The following SGCZ variants were observed in gnomAD, a reference collection of about 807,000 sequenced individuals.
SGCZ encodes sarcoglycan zeta, also known as zeta-sarcoglycan.
Under a neutral mutation model 41.3 loss-of-function variants are expected in SGCZ, and 40 were observed. The observed-to-expected ratio is 0.97, with a 90% CI of 0.75 to 1.26. SGCZ has a LOEUF of 1.26. SGCZ is among the 50% of genes most tolerant of loss of function. The pLI is 0.00. For synonymous variants in SGCZ, 206 were observed against 137.5 expected, an observed-to-expected ratio of 1.50 and a Z score of -3.49; for missense variants, 552 against 369.8, an observed-to-expected ratio of 1.49 and a Z score of -4.04.
chr8:14,993,340 T>C (rs1802091295), intron 1 of SGCZ, among the ~76,000 whole-genome samples: 1 of 152,142 alleles, frequency 6.6e-6, no homozygotes, highest in Non-Finnish European at 1.5e-5. Flanking sequence ...ATCTAGGATG[T>C]ACCCAAAAAC....
At chr8:14,320,109 T>C (rs574611253) in intron 3 of SGCZ, among the ~76,000 whole-genome samples, 1 of 151,126 alleles carries the variant, frequency 6.6e-6, no homozygotes, top group East Asian at 1.9e-4. Flanking sequence ...GTTAACAGTA[T>C]TTTTTTTTCT....
At chr8:14,221,910 G>A (rs1040497663) in intron 4 of SGCZ, among the ~76,000 whole-genome samples, 2 of 151,500 alleles carry the variant, frequency 1.3e-5, no homozygotes, top group Non-Finnish European at 2.9e-5. Context: ...GCAGTGAGCC[G>A]AGATCATGCC....
At chr8:14,688,918 C>G (rs1808707688) in intron 1 of SGCZ, among the ~76,000 whole-genome samples, 1 of 151,972 alleles carries the variant, frequency 6.6e-6, no homozygotes, top group Admixed American at 6.6e-5. Context: ...AGCAAAGTCT[C>G]AGGATACAAA....
At chr8:15,028,007 A>G (rs11783107) in intron 1 of SGCZ, among the ~76,000 whole-genome samples, 5,308 of 152,162 alleles carry the variant, frequency 0.035, 301 homozygotes, top group East Asian at 0.26. Flanking sequence ...CTAAAGACAC[A>G]TAACTAGTAA....
At chr8:15,175,181 G>A (rs545544043) in intron 1 of SGCZ, among the ~76,000 whole-genome samples, 1 of 152,130 alleles carries the variant, frequency 6.6e-6, no homozygotes, top group South Asian at 2.1e-4. Flanking sequence ...CTATTACTGG[G>A]CATAAACACA....
At chr8:15,072,686 T>G (rs1351545589) in intron 1 of SGCZ, among the ~76,000 whole-genome samples, 1 of 152,184 alleles carries the variant, frequency 6.6e-6, no homozygotes, top group Non-Finnish European at 1.5e-5. Context: ...ATGGGAGTTT[T>G]GAAAAATAGA....
At chr8:14,551,526 T>TATATATATA (rs1803837935) in intron 2 of SGCZ, among the ~76,000 whole-genome samples, 2 of 3,476 alleles carry the variant, frequency 5.8e-4, no homozygotes, top group East Asian at 0.011. Context: ...TTATATATAA[T>TATATATATA]ATATATAATA....
intron 3 of SGCZ, among the ~76,000 whole-genome samples, chr8:14,247,576 T>C (rs566407552): frequency 3.3e-5 from 5 of 152,324 alleles, no homozygotes; most frequent in African/African-American, 1.2e-4. Context: ...AAGATCCAAA[T>C]AAATCAGACA....
chr8:14,979,351 A>G (rs1801587569), intron 1 of SGCZ, among the ~76,000 whole-genome samples: 2 of 152,206 alleles, frequency 1.3e-5, no homozygotes, highest in African/African-American at 4.8e-5. Context: ...CAATGTATTT[A>G]TATTAAACTA....
chr8:14,222,453 C>T (rs1347189172), intron 4 of SGCZ, among the ~76,000 whole-genome samples: 1 of 152,046 alleles, frequency 6.6e-6, no homozygotes, highest in Non-Finnish European at 1.5e-5. Context: ...CACACGTGAG[C>T]CACCGTGCCC....
In SGCZ at chr8:14,420,500, C is replaced by T. The variant is rs558261607; in HGVS notation, c.235-96296G>A. On this transcript the variant is annotated intron_variant, in intron 2 of 7. Coordinates refer to ENST00000382080, the MANE Select transcript of SGCZ (RefSeq NM_139167.4). ...TGCATTCTATATTTGCTGTCTATTG[C>T]TCAGGTGCTCTAACATTTTCAAGAT... Among the ~76,000 whole-genome samples the T allele has an allele frequency of 2.6e-3, 401 of 152,032 alleles. 6 individuals are homozygous for T. The highest frequency in any genetic ancestry group is 3.0e-3 in the Non-Finnish European group (204 of 67,950).
intron 4 of SGCZ, among the ~76,000 whole-genome samples, chr8:14,177,534 G>C (rs1467310592): frequency 6.6e-6 from 1 of 151,978 alleles, no homozygotes; most frequent in Non-Finnish European, 1.5e-5. Flanking sequence ...TTTTGAGACG[G>C]AGTCTCGTGC....
chr8:14,715,274 T>A (rs1031057), intron 1 of SGCZ, among the ~76,000 whole-genome samples: 4 of 151,788 alleles, frequency 2.6e-5, no homozygotes, highest in Admixed American at 2.6e-4. Flanking sequence ...CTCCTCCTAA[T>A]AGAGTATGCC....
chr8:14,287,575 T>A (rs766309814), intron 3 of SGCZ, among the ~76,000 whole-genome samples: 11 of 152,134 alleles, frequency 7.2e-5, no homozygotes, highest in Non-Finnish European at 1.5e-4. Context: ...TACAAAATGC[T>A]CTTTGAACTA....
At chr8:14,961,528 T>C (rs1800966350) in intron 1 of SGCZ, among the ~76,000 whole-genome samples, 1 of 152,194 alleles carries the variant, frequency 6.6e-6, no homozygotes, top group Admixed American at 6.6e-5. Context: ...ATTATATTGT[T>C]ATAATTGTTC....
At chr8:15,113,458 T>C (rs1395501348) in intron 1 of SGCZ, among the ~76,000 whole-genome samples, 1 of 152,136 alleles carries the variant, frequency 6.6e-6, no homozygotes, top group African/African-American at 2.4e-5. Context: ...GGGCTCTAAA[T>C]GTCATTTGTT....
At position 14,687,698 on chromosome 8, in the gene SGCZ, G is replaced by GCAAA. The variant is rs1585183158; in HGVS notation, c.40-132773_40-132772insTTTG. The stretch of plus-strand genomic sequence containing the variant: ...ATAGCAGCATGATTTATAGTCCTTT[G>GCAAA]GGTATATACCCAGTAATGAGATGGC... On this transcript the variant is annotated intron_variant, in intron 1 of 7. Transcript: ENST00000382080. Among the ~76,000 whole-genome samples, 4 of 151,528 alleles carry GCAAA rather than the reference G, an allele frequency of 2.6e-5. No individual in the cohort carries two copies. In the East Asian group the frequency reaches 7.8e-4, roughly 29 times the overall value.
At chr8:14,949,350 T>G (rs1800555608) in intron 1 of SGCZ, among the ~76,000 whole-genome samples, 1 of 152,134 alleles carries the variant, frequency 6.6e-6, no homozygotes, top group African/African-American at 2.4e-5. Flanking sequence ...GTATGCAAAT[T>G]GAATTTTAAA....
intron 2 of SGCZ, among the ~76,000 whole-genome samples, chr8:14,498,615 T>C (rs935787499): frequency 2.6e-5 from 4 of 152,094 alleles, no homozygotes; most frequent in Non-Finnish European, 5.9e-5. Context: ...TATTCCTTAT[T>C]TCCTTTTAAC....
Sources: allele counts gnomAD v4.1 joint callset (sites outside exome capture counted in the v4.1 genomes callset), GRCh38; gene constraint gnomAD v4.1.1; transcripts MANE v1.5; gene names NCBI Gene and HGNC (gene_info 2026-07-23, HGNC 2026-07-21).